CATSPERB: variants seen among roughly 807,000 people sequenced by gnomAD.
The protein encoded by CATSPERB is catsper channel auxiliary subunit beta, also known as cation channel sperm-associated auxiliary subunit beta.
CATSPERB carries 93 observed loss-of-function variants against 128.3 expected under a neutral mutation model. The ratio of observed to expected loss-of-function variants is 0.72; its 90% confidence interval spans 0.61 to 0.86. The LOEUF (loss-of-function observed/expected upper bound fraction) is 0.86, where lower values mean the gene tolerates loss of function less well. CATSPERB is among the 40% of genes least tolerant of loss of function. The pLI, the probability that CATSPERB is intolerant of heterozygous loss-of-function variation, is 0.00. For synonymous variants in CATSPERB, 381 were observed against 448.8 expected (o/e 0.85, Z 1.91); for missense variants, 1,153 against 1,329.5 (o/e 0.87, Z 2.06).
intron 16 of CATSPERB, among the ~76,000 whole-genome samples, chr14:91,638,749 C>T (rs1595158711): frequency 6.6e-6 from 1 of 152,242 alleles, no homozygotes; most frequent in East Asian, 1.9e-4. Context: ...TCAGGGACAA[C>T]CTTAAGAGGT....
At chr14:91,619,887 G>A (rs1411392153) in intron 19 of CATSPERB, among the ~76,000 whole-genome samples, 1 of 147,864 alleles carries the variant, frequency 6.8e-6, no homozygotes, top group Non-Finnish European at 1.5e-5. Context: ...GTGTGTGTGT[G>A]TGTGTGTGTG....
intron 22 of CATSPERB, among the ~76,000 whole-genome samples, chr14:91,599,538 G>A (rs1447868266): frequency 5.1e-5 from 6 of 118,738 alleles, no homozygotes; most frequent in African/African-American, 1.3e-4. Context: ...CAGCCTGGGC[G>A]GCAGAGCAAA....
At chr14:91,731,397 G>C (rs1016719156) in intron 1 of CATSPERB, among the ~76,000 whole-genome samples, 1 of 152,130 alleles carries the variant, frequency 6.6e-6, no homozygotes, top group African/African-American at 2.4e-5. Context: ...CTCATAGTTA[G>C]AGTAAAAACA....
chr14:91,716,886 G>A (rs553991230), intron 5 of CATSPERB, among the ~76,000 whole-genome samples: 2 of 152,134 alleles, frequency 1.3e-5, no homozygotes, highest in African/African-American at 4.8e-5. Flanking sequence ...ATACAACACA[G>A]TAATCCTACT....
At chr14:91,631,451 G>A (rs1249702132) in intron 17 of CATSPERB, among the ~76,000 whole-genome samples, 3 of 152,142 alleles carry the variant, frequency 2.0e-5, no homozygotes, top group Non-Finnish European at 4.4e-5. Context: ...ATCACCTGAG[G>A]TCAGAAGTTC....
In CATSPERB at chr14:91,631,786, C is replaced by T. The variant is rs1894283123; in HGVS notation, c.1742+4639G>A. On this transcript the variant is annotated intron_variant, in intron 17 of 26. Coordinates refer to ENST00000256343, the MANE Select transcript of CATSPERB (RefSeq NM_024764.4). Reference sequence around the variant, plus strand: ...GAGGAACCGAGGGACCAGAATTGGACTCATTCTTGAGAAATATAAAGGGTA... The same window carrying T: ...GAGGAACCGAGGGACCAGAATTGGATTCATTCTTGAGAAATATAAAGGGTA... Among the ~76,000 whole-genome samples the T allele has an allele frequency of 2.0e-5, 3 of 152,068 alleles. No homozygotes were observed. The South Asian group carries it at 6.2e-4, about 32-fold the overall frequency.
rs766252095 is a variant in CATSPERB at position 91,587,996 on chromosome 14, A to G, written c.3039T>C (p.Gly1013=). ...TCATTACCTTTATGCTTAAGTTGAG[A>G]CCTGAAGGATTATACACTGCAGCAC... ...ILGAAVYNPS[G]LNLSIKGSEL... The change falls in exon 25 of 27, where the codon GGT becomes GGC. Residue 1013 remains glycine (G), a synonymous_variant. Coordinates refer to ENST00000256343, the MANE Select transcript of CATSPERB (RefSeq NM_024764.4). The G allele has an allele frequency of 1.2e-6, 2 of 1,608,096 alleles. No homozygotes were observed. Among genetic ancestry groups the G allele is most frequent in the South Asian group, 2.2e-5 (2 of 90,662 alleles).
intron 1 of CATSPERB, among the ~76,000 whole-genome samples, chr14:91,730,634 T>C (rs1896195754): frequency 6.6e-6 from 1 of 152,192 alleles, no homozygotes; most frequent in African/African-American, 2.4e-5. Context: ...CCTTCGTCTC[T>C]GACCTAGGAG....
chr14:91,601,098 T>C (rs558977803), intron 22 of CATSPERB, among the ~76,000 whole-genome samples: 260 of 152,358 alleles, frequency 1.7e-3, no homozygotes, highest in African/African-American at 6.1e-3. Flanking sequence ...CTCTAAGGCT[T>C]ACTTTATTCA....
intron 15 of CATSPERB, among the ~76,000 whole-genome samples, chr14:91,654,879 C>T (rs1485129396): frequency 6.6e-6 from 1 of 152,160 alleles, no homozygotes; most frequent in African/African-American, 2.4e-5. Context: ...CATCACCCCT[C>T]CCCTAGCTCC....
At chr14:91,601,336 G>T (rs1893604814) in intron 22 of CATSPERB, among the ~76,000 whole-genome samples, 1 of 152,166 alleles carries the variant, frequency 6.6e-6, no homozygotes, top group East Asian at 1.9e-4. Context: ...TACAAGATAG[G>T]AAAATCAGAT....
chr14:91,636,243 G>T (rs895544278), intron 17 of CATSPERB, 182 bp downstream of exon 17: 3 of 555,086 alleles, frequency 5.4e-6, no homozygotes, highest in Admixed American at 6.1e-5. Context: ...TGTGCCTGCA[G>T]TCCCAGCTAT....
At chr14:91,669,342 A>G (rs561464278) in intron 14 of CATSPERB, among the ~76,000 whole-genome samples, 1,361 of 58,844 alleles carry the variant, frequency 0.023, 15 homozygotes, top group Middle Eastern at 0.12. Flanking sequence ...CTACTCCTTT[A>G]CCAAGCTTTC....
intron 22 of CATSPERB, chr14:91,603,266 ATATTAT>A (rs1893639685): frequency 8.6e-7 from 1 of 1,159,838 alleles, no homozygotes; most frequent in Non-Finnish European, 1.3e-6. Context: ...AAGCCAGCAT[ATATTAT>A]TCACCTTCTC....
chr14:91,608,893 C>T (rs1566702025), intron 21 of CATSPERB, among the ~76,000 whole-genome samples: 1 of 152,160 alleles, frequency 6.6e-6, no homozygotes, highest in Non-Finnish European at 1.5e-5. Context: ...ACCTCCTGCA[C>T]AGTCAAAAAT....
At chr14:91,636,339 G>A (rs1057502500) in intron 17 of CATSPERB, 86 bp downstream of exon 17, 22 of 1,260,776 alleles carry the variant, frequency 1.7e-5, no homozygotes, top group Admixed American at 1.1e-4. Flanking sequence ...CTCCAGCCTG[G>A]ATGACAGAGC....
At chr14:91,679,346 G>A (rs1895242809) in intron 11 of CATSPERB, among the ~76,000 whole-genome samples, 1 of 152,074 alleles carries the variant, frequency 6.6e-6, no homozygotes, top group Non-Finnish European at 1.5e-5. Context: ...AATTTTGTAT[G>A]AGGAAATATC....
At position 91,719,624 on chromosome 14, in the gene CATSPERB, T is replaced by C. The variant is rs1895997076; in HGVS notation, c.310-146A>G. The C allele has an allele frequency of 1.5e-5, 9 of 590,166 alleles. No homozygotes were observed. The South Asian group carries it at 2.2e-4, about 15-fold the overall frequency. 36.6% of individuals were successfully genotyped at this position (590,166 alleles called of 1,614,324 possible). A position where few individuals can be genotyped will look rare whatever the true frequency, so the allele number is the denominator to read the frequency against. On this transcript the variant is annotated intron_variant, in intron 4 of 26. Coordinates refer to ENST00000256343, the MANE Select transcript of CATSPERB (RefSeq NM_024764.4). ...TAGAAATTTCACTCTTAGGAATTTTTCCTACATTATGCTCACATATGTGTG... is the reference window on the plus strand; with the variant it reads ...TAGAAATTTCACTCTTAGGAATTTTCCCTACATTATGCTCACATATGTGTG...
At chr14:91,664,264 T>TAC (rs1894940376) in intron 14 of CATSPERB, among the ~76,000 whole-genome samples, 1 of 106,404 alleles carries the variant, frequency 9.4e-6, no homozygotes, top group South Asian at 3.4e-4. Context: ...CATGTCTTTT[T>TAC]TTTTTTTTTT....
Sources: gnomAD v4.1 joint callset for allele counts (sites outside exome capture counted in the v4.1 genomes callset) on GRCh38, gnomAD v4.1.1 for gene constraint, MANE v1.5 for transcripts, NCBI Gene and HGNC (gene_info 2026-07-23, HGNC 2026-07-21) for gene names.